Variants in TRMT44 observed in about 807,000 individuals in gnomAD.
TRMT44 encodes probable tRNA (uracil-O(2)-)-methyltransferase.
TRMT44 carries 78 observed loss-of-function variants against 77.3 expected under a neutral mutation model. The ratio of observed to expected loss-of-function variants is 1.01; its 90% CI spans 0.84 to 1.22. The LOEUF (loss-of-function observed/expected upper bound fraction) is 1.22, where lower values mean the gene tolerates loss of function less well. Among genes scored for constraint, TRMT44 ranks in the 50% most tolerant of loss-of-function variants. The pLI, the probability that TRMT44 is intolerant of heterozygous loss-of-function variation, is 0.00. For missense variants in TRMT44, 1,090 were observed against 964.4 expected (o/e 1.13, Z -1.73); for synonymous variants, 391 against 383.3 (o/e 1.02, Z -0.23).
chr4:8,441,539 C>T (rs887148821), intron 1 of TRMT44, 98 bp downstream of exon 1: 12 of 1,361,236 alleles, frequency 8.8e-6, no homozygotes, highest in Non-Finnish European at 1.2e-5. Context: ...AGTTCCTCTG[C>T]GATGTCCTAG....
chr4:8,501,658 G>A, the TRMT44 span, among the ~76,000 whole-genome samples: 1 of 152,132 alleles, frequency 6.6e-6, no homozygotes, highest in Non-Finnish European at 1.5e-5. The surrounding 1 kb of genome is among the most constrained non-coding windows in gnomAD (Gnocchi z 4.4). Context: ...AGATGTTTTT[G>A]GACTCTTCCT....
intron 2 of TRMT44, among the ~76,000 whole-genome samples, chr4:8,483,215 T>C (rs1270203550): frequency 6.6e-6 from 1 of 152,200 alleles, no homozygotes; most frequent in African/African-American, 2.4e-5. Flanking sequence ...AGATTCAGCA[T>C]AGTCCTGCCA....
chr4:8,476,102 GC>G lies in TRMT44; in HGVS notation c.*104del. ...TGGTCTCTGCTCTGGCTGTGTTTCA[GC>G]CCACCTCCTCCCAGCTTTCTCCACA... is the stretch of plus-strand genomic sequence containing the variant. On this transcript the variant is annotated 3_prime_UTR_variant, in exon 11 of 11. Transcript: ENST00000389737. The G allele has an allele frequency of 9.4e-7, 1 of 1,069,224 alleles. No homozygotes were observed. Among genetic ancestry groups the G allele is most frequent in the Non-Finnish European group, 1.4e-6 (1 of 731,356 alleles). 66.2% of individuals were successfully genotyped at this position (1,069,224 alleles called of 1,614,324 possible). A position where few individuals can be genotyped will look rare whatever the true frequency, so the allele number is the denominator to read the frequency against.
chr4:8,493,897 G>A (rs751891741), downstream of TRMT44, among the ~76,000 whole-genome samples: 5 of 150,798 alleles, frequency 3.3e-5, no homozygotes, highest in African/African-American at 7.3e-5. Context: ...TTGTCATTTC[G>A]TTTTCAGGTC....
chr4:8,504,458 G>A, the TRMT44 span, among the ~76,000 whole-genome samples: 82 of 152,118 alleles, frequency 5.4e-4, no homozygotes, highest in African/African-American at 1.6e-3. This position sits in a 1 kb window ranked among gnomAD's most constrained non-coding sequence, Gnocchi z 5.3. Context: ...CTCCTGCCCC[G>A]CCCCACTCAT....
Position 8,471,189 on chromosome 4 carries a change from A to G in TRMT44, c.2033A>G (p.Gln678Arg), listed in dbSNP as rs141733917. The G allele has an allele frequency of 3.8e-6, 6 of 1,590,518 alleles. No homozygotes were observed. The highest frequency in any genetic ancestry group is 3.4e-6 in the Non-Finnish European group (4 of 1,168,842). The change falls in exon 10 of 11, where the codon CAG becomes CGG. Residue 678 changes from glutamine (Q) to arginine (R), a missense_variant. Coordinates refer to ENST00000389737, the MANE Select transcript of TRMT44 (RefSeq NM_152544.3). ...CAGACGCTGCTCCGGAACAGCCACC[A>G]GGTGTTCCAAGGTACGGAGTCCGCC... ...GLQTLLRNSH[Q>R]VFQVVNGRVH...
chr4:8,476,809 TC>T (rs906812602), downstream of TRMT44: 3 of 152,256 alleles, frequency 2.0e-5, no homozygotes, highest in African/African-American at 4.8e-5. Flanking sequence ...AGTGGCAAGA[TC>T]ATAGCTCACT....
intron 10 of TRMT44, among the ~76,000 whole-genome samples, chr4:8,473,930 G>T (rs915770146): frequency 6.6e-6 from 1 of 152,172 alleles, no homozygotes; most frequent in African/African-American, 2.4e-5. Flanking sequence ...TGCCTGCGCC[G>T]TTCGGGAGCC....
intron 8 of TRMT44, among the ~76,000 whole-genome samples, chr4:8,467,267 G>T (rs752184155): frequency 6.6e-6 from 1 of 152,154 alleles, no homozygotes; most frequent in Non-Finnish European, 1.5e-5. Flanking sequence ...TGCCCCCGCC[G>T]GGCGGCCGAG....
At position 8,452,035 on chromosome 4, in the gene TRMT44, G is replaced by A; in HGVS notation, c.1023+7G>A. On this transcript the variant is annotated splice_region_variant and intron_variant, in intron 4 of 10. Coordinates refer to ENST00000389737, the MANE Select transcript of TRMT44 (RefSeq NM_152544.3). This position sits in a 1 kb window ranked among gnomAD's most constrained non-coding sequence, Gnocchi z 5.7. ...TATCGCAGCATACCTGCTGGTAAGGGTGTAAGCGACCTCAGCTTCTCTGGA... is the reference window on the plus strand; with the variant it reads ...TATCGCAGCATACCTGCTGGTAAGGATGTAAGCGACCTCAGCTTCTCTGGA... 2 of 1,536,370 alleles carry A rather than the reference G, an allele frequency of 1.3e-6. No individual in the cohort carries two copies.
At chr4:8,455,052 CCT>C in intron 6 of TRMT44, 1 of 559,184 alleles carries the variant, frequency 1.8e-6, no homozygotes, top group Non-Finnish European at 3.2e-6. Context: ...GCTGTCTCTC[CCT>C]GAGTTTGTTG....
the TRMT44 span, among the ~76,000 whole-genome samples, chr4:8,502,932 C>T: frequency 6.6e-6 from 1 of 152,202 alleles, no homozygotes; most frequent in Non-Finnish European, 1.5e-5. Flanking sequence ...TCTTCTTCAC[C>T]CTTGAACACA....
intron 2 of TRMT44, among the ~76,000 whole-genome samples, chr4:8,447,036 C>T (rs899831831): frequency 2.6e-5 from 4 of 152,152 alleles, no homozygotes; most frequent in East Asian, 1.9e-4. Flanking sequence ...CCACCACACC[C>T]GGCTAATTTT....
chr4:8,489,517 C>T (rs1424575908), intron 2 of TRMT44, among the ~76,000 whole-genome samples: 1 of 152,090 alleles, frequency 6.6e-6, no homozygotes, highest in Admixed American at 6.5e-5. Context: ...CACTCTGTCA[C>T]CCAGGCTGGA....
Position 8,461,038 on chromosome 4 carries a change from A to T in TRMT44, c.1204-2947A>T, listed in dbSNP as rs1579061852. 6.6e-6 allele frequency among the ~76,000 whole-genome samples: 1 copy of T among 151,594 alleles called. No individual in the cohort carries two copies. The highest frequency in any genetic ancestry group is 2.1e-4 in the South Asian group (1 of 4,804). On this transcript the variant is annotated intron_variant, in intron 6 of 10. Coordinates refer to ENST00000389737, the MANE Select transcript of TRMT44 (RefSeq NM_152544.3). The surrounding 1 kb of genome is among the most constrained non-coding windows in gnomAD (Gnocchi z 4.6). ...AATTTTGTGTTTGTTTTTTGTTGAA[A>T]CAGGGTCTTCCTATGTTGCCCAGGC... is the stretch of plus-strand genomic sequence containing the variant.
At chr4:8,495,357 G>A (rs1329573676), downstream of TRMT44, among the ~76,000 whole-genome samples, 4 of 152,170 alleles carry the variant, frequency 2.6e-5, no homozygotes, top group Non-Finnish European at 4.4e-5. Flanking sequence ...GGATTTCCAC[G>A]CTGGGCTGCA....
In TRMT44 at chr4:8,449,812, C is replaced by T; in HGVS notation, c.878C>T (p.Thr293Ile). 1.3e-6 allele frequency: 2 copies of T among 1,536,002 alleles called. No homozygotes were observed. The highest frequency in any genetic ancestry group is 2.4e-5 in the East Asian group (1 of 40,908). ...AACAAGAAGAGTGACTTTAAAAGCA[C>T]CCTTTCCCTCATCTCCATTATGAAG... ...VENKKSDFKS[T>I]LSLISIMKYS... is the part of the protein sequence containing the mutation. Residue 293 changes from threonine to isoleucine, a missense_variant, in exon 3 of 11, where the codon ACC becomes ATC. Coordinates refer to ENST00000389737, the MANE Select transcript of TRMT44 (RefSeq NM_152544.3).
chr4:8,472,879 CTT>C (rs1362183155), intron 10 of TRMT44, among the ~76,000 whole-genome samples: 3 of 152,296 alleles, frequency 2.0e-5, no homozygotes, highest in African/African-American at 7.2e-5. Flanking sequence ...CACGGGGCCT[CTT>C]TCTGTCTTTC....
chr4:8,472,759 C>G (rs1443845740), intron 10 of TRMT44, among the ~76,000 whole-genome samples: 1 of 152,210 alleles, frequency 6.6e-6, no homozygotes, highest in Non-Finnish European at 1.5e-5. Flanking sequence ...AGAGTAGACA[C>G]TGGGCCTGCA....
Sources: allele counts gnomAD v4.1 joint callset (sites outside exome capture counted in the v4.1 genomes callset), GRCh38; gene constraint gnomAD v4.1.1; non-coding constraint Gnocchi (gnomAD v3.1); transcripts MANE v1.5; gene names NCBI Gene and HGNC (gene_info 2026-07-23, HGNC 2026-07-21).